KASH5: variants seen among roughly 807,000 people sequenced by gnomAD.
The protein encoded by KASH5 is KASH domain containing 5, also known as protein KASH5.
Under a neutral mutation model 84.2 loss-of-function variants are expected in KASH5, and 72 were observed. That is an observed-to-expected ratio of 0.85 (90% CI 0.71 to 1.04). The LOEUF (loss-of-function observed/expected upper bound fraction) is 1.04, where lower values mean the gene tolerates loss of function less well. KASH5 is among the 50% of genes least tolerant of loss of function. KASH5 has a pLI of 0.00. For missense variants in KASH5, 650 were observed against 701.0 expected (o/e 0.93, Z 0.82); for synonymous variants, 260 against 279.1 (o/e 0.93, Z 0.68).
chr19:49,409,885 G>A lies in KASH5; in HGVS notation c.1269+10G>A. 2 of 1,612,814 alleles carry A rather than the reference G, an allele frequency of 1.2e-6. No homozygotes were observed. Among genetic ancestry groups the A allele is most frequent in the African/African-American group, 1.3e-5 (1 of 75,004 alleles). On this transcript the variant is annotated intron_variant, in intron 15 of 19. Transcript: ENST00000447857. ...CCCAGCTGGGGGACAGGTGAGCACAGGAAAAGCTCTGAAGTCCAGGAGCTG... is the reference window on the plus strand; with the variant it reads ...CCCAGCTGGGGGACAGGTGAGCACAAGAAAAGCTCTGAAGTCCAGGAGCTG...
At chr19:49,393,416 C>T (rs1974065515) in intron 2 of KASH5, 1 of 152,220 alleles carries the variant, frequency 6.6e-6, no homozygotes, top group African/African-American at 2.4e-5. Flanking sequence ...GTCCATTGCC[C>T]CAGGTGCCAC....
chr19:49,408,670 G>T (rs112817154), intron 12 of KASH5, among the ~76,000 whole-genome samples: 3 of 152,136 alleles, frequency 2.0e-5, no homozygotes, highest in African/African-American at 7.2e-5. Context: ...GGATGGTCTC[G>T]ATCTCCTGAC....
intron 9 of KASH5, among the ~76,000 whole-genome samples, chr19:49,402,220 C>T (rs1037496460): frequency 5.3e-5 from 8 of 149,556 alleles, no homozygotes; most frequent in Non-Finnish European, 7.4e-5. Context: ...CCAGTCTGGG[C>T]GACAGAGCAA....
intron 9 of KASH5, among the ~76,000 whole-genome samples, chr19:49,400,350 T>C (rs1404701452): frequency 1.4e-5 from 2 of 142,978 alleles, no homozygotes; most frequent in Non-Finnish European, 3.1e-5. Flanking sequence ...TTACTTTTAG[T>C]TTCTTTTTTT....
chr19:49,398,930 C>T, intron 7 of KASH5, 95 bp from the exon 8 acceptor site: 1 of 923,122 alleles, frequency 1.1e-6, no homozygotes, highest in Non-Finnish European at 1.7e-6. Flanking sequence ...CACCTGGGAT[C>T]TCTCTGTTGC....
intron 11 of KASH5, 119 bp from the exon 12 acceptor site, chr19:49,407,493 C>T (rs1974565562): frequency 2.5e-6 from 3 of 1,205,510 alleles, no homozygotes; most frequent in Admixed American, 2.0e-5. Context: ...CCCTTGTGCC[C>T]CAGCTCTTCC....
chr19:49,396,303 G>T (rs1292488685), intron 5 of KASH5, among the ~76,000 whole-genome samples: 1 of 138,530 alleles, frequency 7.2e-6, no homozygotes, highest in African/African-American at 2.8e-5. Flanking sequence ...TGCCCAGGCT[G>T]TTGTGCAATG....
rs1434050141 is a variant in KASH5 at position 49,399,097 on chromosome 19, C to T, written c.702C>T (p.Ser234=). The T allele has an allele frequency of 1.3e-6, 2 of 1,551,568 alleles. No individual in the cohort carries two copies. Among genetic ancestry groups the T allele is most frequent in the African/African-American group, 2.7e-5 (2 of 73,052 alleles). The stretch of plus-strand genomic sequence containing the variant: ...AGGACCTGAAGACTCTGGCCAGGAG[C>T]CTGGAGGAACAGAATCGCAGCCTTC... ...ELEDLKTLAR[S]LEEQNRSLLA... Residue 234 remains serine (S), a synonymous_variant, in exon 8 of 20, where the codon AGC becomes AGT. Coordinates refer to ENST00000447857, the MANE Select transcript of KASH5 (RefSeq NM_144688.5). The surrounding 1 kb of genome is among the most constrained non-coding windows in gnomAD (Gnocchi z 4.4).
Position 49,406,047 on chromosome 19 carries a change from G to T in KASH5, c.799-839G>T, listed in dbSNP as rs145965914. Among the ~76,000 whole-genome samples, 1,330 of 147,164 alleles carry T rather than the reference G, an allele frequency of 9.0e-3. 23 individuals carry two copies. The highest frequency in any genetic ancestry group is 0.031 in the African/African-American group (1,243 of 39,576). The stretch of plus-strand genomic sequence containing the variant: ...GGAGGCTGAGGCAAGAGAATCACTT[G>T]AACCCAGAAGGCAAAGATTGCAGTG... On this transcript the variant is annotated intron_variant, in intron 9 of 19. Coordinates refer to ENST00000447857, the MANE Select transcript of KASH5 (RefSeq NM_144688.5).
Position 49,399,658 on chromosome 19 carries a change from A to C in KASH5, c.798+151A>C, listed in dbSNP as rs146211311. On this transcript the variant is annotated intron_variant, in intron 9 of 19. Coordinates refer to ENST00000447857, the MANE Select transcript of KASH5 (RefSeq NM_144688.5). This position sits in a 1 kb window ranked among gnomAD's most constrained non-coding sequence, Gnocchi z 4.4. ...GGGAATGTCCCTGAGGTTATATCAC[A>C]CTGTGAGAACAGCCGTGGTTTACAA... 3.8e-3 allele frequency: 5,690 copies of C among 1,497,132 alleles called. 31 individuals carry two copies. Among genetic ancestry groups the C allele is most frequent in the Admixed American group, 0.018 (859 of 47,918 alleles). 92.7% of individuals were successfully genotyped at this position (1,497,132 alleles called of 1,614,324 possible).
chr19:49,416,986 C>A lies in KASH5; in HGVS notation c.1375-29C>A. ...GCACCTCTCAGTCCAGAACCCGGTG[C>A]CTCCAACGCATCTCTTCTGTCCTTG... On this transcript the variant is annotated intron_variant, in intron 17 of 19. Coordinates refer to ENST00000447857, the MANE Select transcript of KASH5 (RefSeq NM_144688.5). The surrounding 1 kb of genome is among the most constrained non-coding windows in gnomAD (Gnocchi z 5.4). The A allele has an allele frequency of 6.4e-7, 1 of 1,564,732 alleles. No homozygotes were observed. Among genetic ancestry groups the A allele is most frequent in the Non-Finnish European group, 8.7e-7 (1 of 1,155,018 alleles).
intron 2 of KASH5, among the ~76,000 whole-genome samples, chr19:49,392,713 A>C (rs1456791434): frequency 6.6e-6 from 1 of 152,162 alleles, no homozygotes; most frequent in African/African-American, 2.4e-5. Flanking sequence ...GGAGTTCGAG[A>C]CCAGCCTTGC....
rs1369845697 is a variant in KASH5 at position 49,395,613 on chromosome 19, C to T, written c.336-156C>T. The T allele has an allele frequency of 1.4e-6, 1 of 733,586 alleles. No homozygotes were observed. The highest frequency in any genetic ancestry group is 2.3e-6 in the Non-Finnish European group (1 of 441,102). The allele number at this position is 733,586 out of a possible 1,614,324, so 45.4% of individuals were successfully genotyped here. Reference sequence around the variant, plus strand: ...TGCCCCTCCTGCTTTTCCATCTGGCCACGGGCACTTGCCATCTGGCCTCAC... The same window carrying T: ...TGCCCCTCCTGCTTTTCCATCTGGCTACGGGCACTTGCCATCTGGCCTCAC... On this transcript the variant is annotated intron_variant, in intron 4 of 19. Transcript: ENST00000447857. This position sits in a 1 kb window ranked among gnomAD's most constrained non-coding sequence, Gnocchi z 4.4.
intron 7 of KASH5, among the ~76,000 whole-genome samples, chr19:49,398,392 A>T (rs1974255609): frequency 1.4e-5 from 2 of 144,570 alleles, no homozygotes; most frequent in African/African-American, 2.6e-5. Context: ...TTTTTGAGAC[A>T]GGTTCTCACT....
At chr19:49,410,631 C>G (rs1006345185) in intron 15 of KASH5, among the ~76,000 whole-genome samples, 1 of 151,864 alleles carries the variant, frequency 6.6e-6, no homozygotes, top group African/African-American at 2.4e-5. Context: ...ATTACAGGAA[C>G]CTGCTGCCAC....
At chr19:49,409,429 C>T in intron 14 of KASH5, 146 bp downstream of exon 14, 1 of 913,894 alleles carries the variant, frequency 1.1e-6, no homozygotes, top group Non-Finnish European at 1.7e-6. Flanking sequence ...CTCTAACTCT[C>T]TCTACCTCGG....
At chr19:49,397,162 A>G (rs1420644589) in intron 5 of KASH5, among the ~76,000 whole-genome samples, 1 of 152,044 alleles carries the variant, frequency 6.6e-6, no homozygotes, top group Non-Finnish European at 1.5e-5. Context: ...TTGGGGGCCC[A>G]GGGAGGGCTG....
chr19:49,413,830 T>C (rs1332226492), intron 16 of KASH5, among the ~76,000 whole-genome samples: 1 of 151,978 alleles, frequency 6.6e-6, no homozygotes, highest in Non-Finnish European at 1.5e-5. Context: ...TGAGAGGGGT[T>C]GGGTCCCAAG....
Position 49,399,696 on chromosome 19 carries a change from T to C in KASH5, c.798+189T>C. 6.8e-7 allele frequency: 1 copy of C among 1,460,706 alleles called. No individual in the cohort carries two copies. Among genetic ancestry groups the C allele is most frequent in the East Asian group, 2.5e-5 (1 of 39,898 alleles). 90.5% of individuals were successfully genotyped at this position (1,460,706 alleles called of 1,614,324 possible). A position where few individuals can be genotyped will look rare whatever the true frequency, so the allele number is the denominator to read the frequency against. On this transcript the variant is annotated intron_variant, in intron 9 of 19. Coordinates refer to ENST00000447857, the MANE Select transcript of KASH5 (RefSeq NM_144688.5). This position sits in a 1 kb window ranked among gnomAD's most constrained non-coding sequence, Gnocchi z 4.4. ...CCGTGGTTTACAAGAGTGTGAGGCA[T>C]GGGGTCAGCCTACATGGCTTCAGGC...
Sources: allele counts gnomAD v4.1 joint callset (sites outside exome capture counted in the v4.1 genomes callset), GRCh38; gene constraint gnomAD v4.1.1; non-coding constraint Gnocchi (gnomAD v3.1); transcripts MANE v1.5; gene names NCBI Gene and HGNC (gene_info 2026-07-23, HGNC 2026-07-21).